The following UFSP2 variants were observed in gnomAD, a reference collection of about 807,000 sequenced individuals.
UFSP2 encodes the protein UFM1 specific peptidase 2.
Under a neutral mutation model 60.2 loss-of-function variants are expected in UFSP2, and 43 were observed. The ratio of observed to expected loss-of-function variants is 0.71; its 90% CI spans 0.56 to 0.92. The LOEUF (loss-of-function observed/expected upper bound fraction) is 0.92, where lower values mean the gene tolerates loss of function less well. UFSP2 is among the 40% of genes least tolerant of loss of function. UFSP2 has a pLI of 0.00. For synonymous variants in UFSP2, 183 were observed against 195.1 expected, an observed-to-expected ratio of 0.94 and a Z score of 0.52; for missense variants, 520 against 575.0, an observed-to-expected ratio of 0.90 and a Z score of 0.98.
Position 185,419,863 on chromosome 4 carries a change from C to A in UFSP2, c.83-1093G>T, listed in dbSNP as rs147768325. On this transcript the variant is annotated intron_variant, in intron 2 of 11. Transcript: ENST00000264689. Reference sequence around the variant, plus strand: ...CTTTTTGGCTATCATATATATGCTGCCATGAACATCTGTGCATAAGTTCAG... The same window carrying A: ...CTTTTTGGCTATCATATATATGCTGACATGAACATCTGTGCATAAGTTCAG... Among the ~76,000 whole-genome samples, 235 of 152,296 alleles carry A rather than the reference C, an allele frequency of 1.5e-3. 1 individual carries two copies. Among genetic ancestry groups the A allele is most frequent in the African/African-American group, 4.5e-3 (187 of 41,548 alleles).
intron 11 of UFSP2, chr4:185,402,484 C>CT (rs934657819): frequency 7.7e-5 from 22 of 287,008 alleles, no homozygotes; most frequent in African/African-American, 2.7e-4. Context: ...ACATTAAAAA[C>CT]TTTTTTTTGA....
rs375912914 is a variant in UFSP2, at chr4:185,399,607, G to T, written c.*785C>A. 1 of 1,614,134 alleles carries T rather than the reference G, an allele frequency of 6.2e-7. No homozygotes were observed. Among genetic ancestry groups the T allele is most frequent in the Non-Finnish European group, 8.5e-7 (1 of 1,180,010 alleles). On this transcript the variant is annotated 3_prime_UTR_variant, in exon 12 of 12. Transcript: ENST00000264689. ...GAACGGGCAAACAGCTGAAGATCTC[G>T]CTTGGTCATGTGGATTTCCAGACTG...
rs781654493 is a variant in UFSP2, at chr4:185,415,686, CA to C, written c.491+23del. The C allele has an allele frequency of 2.6e-5, 41 of 1,591,010 alleles. No homozygotes were observed. In the African/African-American group the frequency reaches 5.1e-4, roughly 20 times the overall value. Reference sequence around the variant, plus strand: ...GGGAAGGGCCCTCATTCAAATGTGGCAGTGGTACTATAAAAATACTTACTTT... The same window carrying C: ...GGGAAGGGCCCTCATTCAAATGTGGCGTGGTACTATAAAAATACTTACTTT... On this transcript the variant is annotated intron_variant, in intron 5 of 11. Transcript: ENST00000264689.
intron 9 of UFSP2, chr4:185,406,060 C>A: frequency 9.0e-7 from 1 of 1,111,094 alleles, no homozygotes; most frequent in Non-Finnish European, 1.3e-6. Context: ...CTTAAGGCCA[C>A]CAAGTGTGCT....
intron 10 of UFSP2, among the ~76,000 whole-genome samples, chr4:185,404,824 G>A (rs1252322011): frequency 4.6e-5 from 7 of 151,856 alleles, no homozygotes; most frequent in Non-Finnish European, 1.0e-4. Flanking sequence ...GGCCTCAAGT[G>A]ATCCGCCCGC....
rs2095543532 is a variant in UFSP2, at chr4:185,418,588, G to T, written c.265C>A (p.Gln89Lys). 1.9e-6 allele frequency: 3 copies of T among 1,612,614 alleles called. No individual in the cohort carries two copies. Among genetic ancestry groups the T allele is most frequent in the Non-Finnish European group, 2.5e-6 (3 of 1,179,720 alleles). ...CTAGAAATCTTCAAACATACTCACT[G>T]AATAAAGCGCAGTATGTTCTTACAA... ...SACKNILRFI[Q>K]FEPEEDIKRK... The change falls in exon 3 of 12, where the codon CAA (glutamine) becomes AAA (lysine). Residue 89 changes from glutamine (Q) to lysine (K), a missense_variant and splice_region_variant. Gln to Lys is a moderately conservative substitution (Grantham distance 53, BLOSUM62 1). Coordinates refer to ENST00000264689, the MANE Select transcript of UFSP2 (RefSeq NM_018359.5).
chr4:185,425,763 C>T (rs1208093772), intron 1 of UFSP2, 103 bp downstream of exon 1: 1 of 1,524,688 alleles, frequency 6.6e-7, no homozygotes. Flanking sequence ...CCATCTTGGA[C>T]CCCGGCAGGA....
chr4:185,415,821 A>G lies in UFSP2; in HGVS notation c.380T>C (p.Leu127Pro). ...IDLMLEMSTS[L>P]AAVTPIIERE... ...TTCAATGATGGGCGTTACAGCTGCCAGGGAGGTTGACATTTCCAGCATAAG... is the reference window on the plus strand; with the variant it reads ...TTCAATGATGGGCGTTACAGCTGCCGGGGAGGTTGACATTTCCAGCATAAG... The change falls in exon 5 of 12, where the codon CTG becomes CCG. Residue 127 changes from leucine to proline, a missense_variant. Physicochemically the swap from Leu to Pro is moderately conservative, Grantham distance 98. Transcript: ENST00000264689. 6.2e-7 allele frequency: 1 copy of G among 1,613,832 alleles called. No homozygotes were observed. The highest frequency in any genetic ancestry group is 8.5e-7 in the Non-Finnish European group (1 of 1,179,730).
At chr4:185,406,042 T>A in intron 9 of UFSP2, 186 bp from the exon 10 acceptor site, 1 of 1,288,326 alleles carries the variant, frequency 7.8e-7, no homozygotes, top group Non-Finnish European at 1.1e-6. Context: ...CAACATAAAC[T>A]CAAAATACTT....
At chr4:185,421,042 A>C (rs2095548517) in intron 2 of UFSP2, among the ~76,000 whole-genome samples, 1 of 152,236 alleles carries the variant, frequency 6.6e-6, no homozygotes, top group South Asian at 2.1e-4. Flanking sequence ...CACTCTACTA[A>C]TAACATAGGC....
At chr4:185,410,816 C>A (rs2095527847) in intron 7 of UFSP2, among the ~76,000 whole-genome samples, 1 of 150,706 alleles carries the variant, frequency 6.6e-6, no homozygotes, top group Non-Finnish European at 1.5e-5. Flanking sequence ...CGTGGTAGCA[C>A]CCTCCTGTAA....
chr4:185,402,216 A>T (rs1422018344), intron 11 of UFSP2: 20 of 437,692 alleles, frequency 4.6e-5, no homozygotes, highest in South Asian at 2.9e-4. Context: ...AGTGCCTGGC[A>T]CTTGTTAGGT....
At chr4:185,404,913 T>C (rs1003897620) in intron 10 of UFSP2, among the ~76,000 whole-genome samples, 22 of 152,012 alleles carry the variant, frequency 1.4e-4, no homozygotes, top group Admixed American at 1.3e-3. Context: ...CATAAGCTCA[T>C]ACAATCAGGA....
intron 9 of UFSP2, 70 bp downstream of exon 9, chr4:185,407,866 C>A: frequency 6.7e-7 from 1 of 1,482,290 alleles, no homozygotes; most frequent in Non-Finnish European, 9.1e-7. Flanking sequence ...ACCATTTTTT[C>A]TATTATTTTA....
chr4:185,407,796 T>A, intron 9 of UFSP2, 140 bp downstream of exon 9: 1 of 925,694 alleles, frequency 1.1e-6, no homozygotes, highest in Non-Finnish European at 1.5e-6. Flanking sequence ...AAAAATGAGA[T>A]TTATAAAGCA....
chr4:185,400,603 G>T, intron 11 of UFSP2, 125 bp from the exon 12 acceptor site: 1 of 571,972 alleles, frequency 1.7e-6, no homozygotes, highest in Non-Finnish European at 3.0e-6. Context: ...TATCATTCAA[G>T]GATTTGAATT....
rs769157004 is a variant in UFSP2, at chr4:185,403,516, T to TC, written c.1300dup (p.Asp434GlyfsTer26). On this transcript the variant is annotated frameshift_variant, in exon 11 of 12. Transcript: ENST00000264689. LOFTEE classifies it high-confidence loss of function. ...TACCTTTTCCAAAATAACTTGCAGG[T>TC]CTTCAGCACCGGTATAATGTGGATC... The TC allele has an allele frequency of 6.2e-7, 1 of 1,613,326 alleles. No individual in the cohort carries two copies. The highest frequency in any genetic ancestry group is 1.3e-5 in the African/African-American group (1 of 74,882).
chr4:185,414,067 G>A (rs751589409), intron 6 of UFSP2, among the ~76,000 whole-genome samples, 195 bp from the exon 7 acceptor site: 10 of 152,136 alleles, frequency 6.6e-5, no homozygotes, highest in South Asian at 2.1e-4. Context: ...TTTCGTTTAC[G>A]TCTGTATCTG....
intron 1 of UFSP2, 85 bp from the exon 2 acceptor site, chr4:185,422,648 T>C (rs1397680474): frequency 3.5e-6 from 3 of 867,254 alleles, no homozygotes; most frequent in Non-Finnish European, 5.3e-6. Flanking sequence ...AGTTTAGTGT[T>C]AAGACATTAA....
Sources: allele counts gnomAD v4.1 joint callset (sites outside exome capture counted in the v4.1 genomes callset), GRCh38; gene constraint gnomAD v4.1.1; transcripts MANE v1.5; gene names NCBI Gene and HGNC (gene_info 2026-07-23, HGNC 2026-07-21).